NDRG1: variants seen among roughly 807,000 people sequenced by gnomAD.
NDRG1 encodes the protein N-myc downstream regulated 1, also known as protein NDRG1.
A neutral mutation model predicts 56.9 loss-of-function variants in NDRG1; 32 were observed. That is an observed-to-expected ratio of 0.56 (90% CI 0.42 to 0.76). The LOEUF (loss-of-function observed/expected upper bound fraction) is 0.76. NDRG1 is among the 30% of genes least tolerant of loss of function. NDRG1 has a pLI of 0.00. For synonymous variants in NDRG1, 211 were observed against 204.1 expected (o/e 1.03, Z -0.29); for missense variants, 507 against 545.7 (o/e 0.93, Z 0.71).
At chr8:133,296,685 CCAGACACAGACACACACA>C in intron 1 of NDRG1, 2 of 374,404 alleles carry the variant, frequency 5.3e-6, no homozygotes, top group Admixed American at 5.6e-5. Context: ...CTCTCCGTTC[CCAGACACAGACACACACA>C]CACACACACA....
At chr8:133,243,412 C>T (rs892493825) in intron 14 of NDRG1, among the ~76,000 whole-genome samples, 3 of 152,216 alleles carry the variant, frequency 2.0e-5, no homozygotes, top group African/African-American at 7.2e-5. Flanking sequence ...CCTCAGTTTC[C>T]TCTTCTGTGA....
chr8:133,281,569 C>A (rs1857804157), intron 2 of NDRG1, among the ~76,000 whole-genome samples: 1 of 141,254 alleles, frequency 7.1e-6, no homozygotes, highest in African/African-American at 2.6e-5. Context: ...GAGATGGAGT[C>A]CCAACACTGT....
At chr8:133,250,288 CT>C in intron 10 of NDRG1, 151 bp downstream of exon 10, 1 of 762,376 alleles carries the variant, frequency 1.3e-6, no homozygotes. Context: ...GGTGTCCTTC[CT>C]GGGGACACCT....
At chr8:133,280,384 G>A in intron 2 of NDRG1, 117 bp from the exon 3 acceptor site, 1 of 967,268 alleles carries the variant, frequency 1.0e-6, no homozygotes, top group South Asian at 1.4e-5. Context: ...CTCCTTTGTG[G>A]GGTCTCCTTA....
intron 4 of NDRG1, chr8:133,262,398 G>C: frequency 1.8e-6 from 1 of 545,140 alleles, no homozygotes; most frequent in East Asian, 3.3e-5. Flanking sequence ...GTGGTAGCTG[G>C]CAGATGAGTC....
At chr8:133,250,168 C>T (rs1364409396) in intron 10 of NDRG1, among the ~76,000 whole-genome samples, 2 of 152,146 alleles carry the variant, frequency 1.3e-5, no homozygotes, top group Non-Finnish European at 2.9e-5. Flanking sequence ...TACTCTCAAC[C>T]CTCTGAGTGT....
intron 8 of NDRG1, chr8:133,255,533 G>A (rs1856323466): frequency 2.8e-6 from 1 of 354,256 alleles, no homozygotes; most frequent in Non-Finnish European, 5.7e-6. Context: ...GTCTCACTCA[G>A]GACAGCTATC....
chr8:133,275,833 G>A (rs892588107), intron 3 of NDRG1, among the ~76,000 whole-genome samples: 1 of 152,184 alleles, frequency 6.6e-6, no homozygotes, highest in Non-Finnish European at 1.5e-5. Context: ...TCCGTAGGAT[G>A]GGGACAGGAT....
rs575952493 is a variant in NDRG1 at position 133,262,253 on chromosome 8, G to T, written c.206-86C>A. The T allele has an allele frequency of 1.8e-4, 266 of 1,504,544 alleles. 2 individuals carry two copies. The African/African-American group carries it at 3.0e-3, about 17-fold the overall frequency. 93.2% of individuals were successfully genotyped at this position (1,504,544 alleles called of 1,614,324 possible). A position where few individuals can be genotyped will look rare whatever the true frequency, so the allele number is the denominator to read the frequency against. On this transcript the variant is annotated intron_variant, in intron 4 of 15. Transcript: ENST00000323851. The stretch of plus-strand genomic sequence containing the variant: ...CTCGGTGGCAAAGCACATTCATTTT[G>T]TTTCATTCCTATTCAGAAGTAGGAA...
At chr8:133,267,989 G>C (rs1375844697) in intron 3 of NDRG1, among the ~76,000 whole-genome samples, 2 of 152,156 alleles carry the variant, frequency 1.3e-5, no homozygotes, top group Non-Finnish European at 2.9e-5. Flanking sequence ...CCGGAGTTGC[G>C]AGTGGGTAGC....
chr8:133,238,512 T>G lies in NDRG1; in HGVS notation c.*366A>C. The stretch of plus-strand genomic sequence containing the variant: ...GGCTGGCCTTCTGACCAGGCACCCG[T>G]TTGAACCAGGATGCTCAGGGCGGCC... On this transcript the variant is annotated 3_prime_UTR_variant, in exon 16 of 16. Transcript: ENST00000323851. 1 of 305,458 alleles carries G rather than the reference T, an allele frequency of 3.3e-6. No homozygotes were observed. The highest frequency in any genetic ancestry group is 6.1e-6 in the Non-Finnish European group (1 of 164,676). 18.9% of individuals were successfully genotyped at this position (305,458 alleles called of 1,614,324 possible).
chr8:133,262,193 A>G, intron 4 of NDRG1, 26 bp from the exon 5 acceptor site: 2 of 1,613,936 alleles, frequency 1.2e-6, no homozygotes, highest in South Asian at 2.2e-5. Flanking sequence ...GAGGGAGAGA[A>G]GAGAAAAAAG....
chr8:133,238,776 A>G lies in NDRG1; in HGVS notation c.*102T>C, dbSNP rs1855202438. On this transcript the variant is annotated 3_prime_UTR_variant, in exon 16 of 16. Coordinates refer to ENST00000323851, the MANE Select transcript of NDRG1 (RefSeq NM_006096.4). ...CTTACAAAATAAGCTTTGGATTAAT[A>G]CCGAGTTAGGCGCAGTATGGCAGGC... 3 of 1,329,892 alleles carry G rather than the reference A, an allele frequency of 2.3e-6. No homozygotes were observed. In the East Asian group the frequency reaches 7.6e-5, roughly 34 times the overall value. The allele number at this position is 1,329,892 out of a possible 1,614,324, so 82.4% of individuals were successfully genotyped here.
intron 6 of NDRG1, chr8:133,258,917 A>C (rs1256458846): frequency 2.8e-5 from 16 of 574,500 alleles, no homozygotes; most frequent in Non-Finnish European, 5.0e-5. Flanking sequence ...GGCAAGAGCA[A>C]ATGGGTGGGG....
At chr8:133,267,012 G>C (rs573166222) in intron 3 of NDRG1, among the ~76,000 whole-genome samples, 1 of 152,264 alleles carries the variant, frequency 6.6e-6, no homozygotes, top group African/African-American at 2.4e-5. Flanking sequence ...TCCGTACTGA[G>C]TTTCCAACAA....
At chr8:133,287,094 A>T (rs1258986290) in intron 1 of NDRG1, among the ~76,000 whole-genome samples, 1 of 152,230 alleles carries the variant, frequency 6.6e-6, no homozygotes, top group African/African-American at 2.4e-5. Flanking sequence ...TGCCTCAACC[A>T]AAAAACTTTT....
intron 9 of NDRG1, among the ~76,000 whole-genome samples, chr8:133,252,481 G>T (rs1355685349): frequency 6.6e-6 from 1 of 152,168 alleles, no homozygotes; most frequent in East Asian, 1.9e-4. Flanking sequence ...CCTAGCAGTT[G>T]TACTCGCCAA....
chr8:133,294,678 G>C (rs991142417), intron 1 of NDRG1, among the ~76,000 whole-genome samples: 16 of 152,136 alleles, frequency 1.1e-4, no homozygotes, highest in East Asian at 1.9e-4. Context: ...TCATGGGGGG[G>C]GGGCAGCCCC....
At position 133,238,679 on chromosome 8, in the gene NDRG1, G is replaced by T; in HGVS notation, c.*199C>A. The T allele has an allele frequency of 1.5e-6, 1 of 647,488 alleles. No homozygotes were observed. The highest frequency in any genetic ancestry group is 2.6e-6 in the Non-Finnish European group (1 of 384,408). The allele number at this position is 647,488 out of a possible 1,614,324, so 40.1% of individuals were successfully genotyped here. On this transcript the variant is annotated 3_prime_UTR_variant, in exon 16 of 16. Coordinates refer to ENST00000323851, the MANE Select transcript of NDRG1 (RefSeq NM_006096.4). ...GCGGAGATGCTTGCTTCCTTCCTTT[G>T]GTCCACCGCCACCCCGCCTTTGGAG...
Sources: gnomAD v4.1 joint callset for allele counts (sites outside exome capture counted in the v4.1 genomes callset) on GRCh38, gnomAD v4.1.1 for gene constraint, MANE v1.5 for transcripts, NCBI Gene and HGNC (gene_info 2026-07-23, HGNC 2026-07-21) for gene names.